The following AIG1 variants were observed in gnomAD, a reference collection of about 807,000 sequenced individuals.
The protein encoded by AIG1 is androgen-induced gene 1 protein.
A neutral mutation model predicts 31.4 loss-of-function variants in AIG1; 23 were observed. That is an observed-to-expected ratio of 0.73 (90% CI 0.53 to 1.04). AIG1 has a LOEUF of 1.04. Ranked by LOEUF, AIG1 falls within the 50% of genes least tolerant of loss-of-function variation. AIG1 has a pLI of 0.00. For missense variants in AIG1, 274 were observed against 295.0 expected (o/e 0.93, Z 0.52); for synonymous variants, 100 against 110.5 (o/e 0.90, Z 0.60).
At chr6:143,108,541 C>T (rs1002994255) in intron 1 of AIG1, among the ~76,000 whole-genome samples, 1 of 152,188 alleles carries the variant, frequency 6.6e-6, no homozygotes, top group Non-Finnish European at 1.5e-5. Context: ...CACTTAACAA[C>T]TTCAGCTGGG....
chr6:143,295,965 C>T (rs1465564816), intron 4 of AIG1, among the ~76,000 whole-genome samples: 1 of 152,086 alleles, frequency 6.6e-6, no homozygotes, highest in African/African-American at 2.4e-5. Flanking sequence ...TAAAATGCCA[C>T]AGAAAATATT....
intron 1 of AIG1, among the ~76,000 whole-genome samples, chr6:143,118,874 T>C (rs903290357): frequency 1.3e-5 from 2 of 151,946 alleles, no homozygotes; most frequent in Non-Finnish European, 2.9e-5. Context: ...TTTTCTTTTT[T>C]TTTTTTTTTG....
intron 4 of AIG1, among the ~76,000 whole-genome samples, chr6:143,287,751 A>C (rs868519837): frequency 2.6e-4 from 39 of 151,320 alleles, no homozygotes; most frequent in Middle Eastern, 3.4e-3. Context: ...AAAAAAAAAA[A>C]AAAAAAAAAA....
At chr6:143,078,052 TTC>T (rs1777892211) in intron 1 of AIG1, among the ~76,000 whole-genome samples, 1 of 152,230 alleles carries the variant, frequency 6.6e-6, no homozygotes, top group Admixed American at 6.5e-5. Flanking sequence ...GTTCATTTTT[TTC>T]TGTCTCTCTT....
chr6:143,134,079 G>C (rs1342332958), intron 1 of AIG1, among the ~76,000 whole-genome samples: 1 of 151,872 alleles, frequency 6.6e-6, no homozygotes, highest in Non-Finnish European at 1.5e-5. Context: ...TATTTCAAAA[G>C]AATAAAAACC....
At position 143,177,725 on chromosome 6, in the gene AIG1, G is replaced by A. The variant is rs369299774; in HGVS notation, c.399+12542G>A. ...TATGGCAGGTCTACCACTGGAGTGG[G>A]CAGGTTCTCTGACAACAGTGGGCCT... On this transcript the variant is annotated intron_variant, in intron 3 of 5. Coordinates refer to ENST00000357847, the MANE Select transcript of AIG1 (RefSeq NM_016108.4). Among the ~76,000 whole-genome samples the A allele has an allele frequency of 5.9e-5, 9 of 152,316 alleles. No individual in the cohort carries two copies. In the East Asian group the frequency reaches 1.5e-3, roughly 26 times the overall value.
chr6:143,241,187 C>T (rs917327929), intron 3 of AIG1, among the ~76,000 whole-genome samples: 7 of 152,258 alleles, frequency 4.6e-5, no homozygotes, highest in Non-Finnish European at 1.0e-4. Context: ...TCACTTTTAA[C>T]AAAGGCTCAA....
At chr6:143,151,444 A>G (rs989745247) in intron 2 of AIG1, among the ~76,000 whole-genome samples, 1 of 152,248 alleles carries the variant, frequency 6.6e-6, no homozygotes, top group African/African-American at 2.4e-5. Flanking sequence ...AATTATGTGT[A>G]TAACTTGCTA....
chr6:143,342,408 A>G, downstream of AIG1: 2 of 729,894 alleles, frequency 2.7e-6, no homozygotes, highest in South Asian at 2.9e-5. Context: ...GTGGTTCAGA[A>G]AAGAACCCAG....
chr6:143,108,833 A>T (rs1300494872), intron 1 of AIG1, among the ~76,000 whole-genome samples: 1 of 152,110 alleles, frequency 6.6e-6, no homozygotes, highest in African/African-American at 2.4e-5. Context: ...TTATTTGTAT[A>T]TTTTTATTTT....
At chr6:143,059,688 C>T (rs1051588774), upstream of AIG1, among the ~76,000 whole-genome samples, 2 of 152,172 alleles carry the variant, frequency 1.3e-5, no homozygotes, top group African/African-American at 2.4e-5. Flanking sequence ...CCATGGCTTG[C>T]TTGCTACTTT....
chr6:143,207,673 G>A (rs1791230908), intron 3 of AIG1, among the ~76,000 whole-genome samples: 1 of 152,086 alleles, frequency 6.6e-6, no homozygotes, highest in African/African-American at 2.4e-5. Flanking sequence ...CACATTCTTG[G>A]TCATAGAAGG....
chr6:143,060,675 C>T (rs906307134), upstream of AIG1: 3 of 451,062 alleles, frequency 6.7e-6, no homozygotes, highest in Admixed American at 4.9e-5. Context: ...GATGACGACA[C>T]GCCGCCTGCC....
At chr6:143,236,856 CA>C (rs1368660081) in intron 3 of AIG1, among the ~76,000 whole-genome samples, 2 of 151,918 alleles carry the variant, frequency 1.3e-5, no homozygotes, top group East Asian at 3.9e-4. Flanking sequence ...TTTTTTTCAC[CA>C]AAAAAATAGA....
chr6:143,290,745 T>C (rs1798006770), intron 4 of AIG1, among the ~76,000 whole-genome samples: 1 of 152,112 alleles, frequency 6.6e-6, no homozygotes, highest in Non-Finnish European at 1.5e-5. Context: ...CCTGACATTC[T>C]TGTTTGTTGG....
rs150530954 is a variant in AIG1, at chr6:143,266,327, A to G, written c.400-17783A>G. On this transcript the variant is annotated intron_variant, in intron 3 of 5. Transcript: ENST00000357847. ...GTGCCATTGCACTCTGGCCTGGACA[A>G]TAGAGTAAGAGTCCGTCTCAAAAAA... Among the ~76,000 whole-genome samples, 607 of 145,704 alleles carry G rather than the reference A, an allele frequency of 4.2e-3. 2 individuals are homozygous for G. Among genetic ancestry groups the G allele is most frequent in the Non-Finnish European group, 7.1e-3 (478 of 67,336 alleles).
intron 1 of AIG1, among the ~76,000 whole-genome samples, chr6:143,067,906 T>G (rs1345128538): frequency 6.6e-6 from 1 of 152,208 alleles, no homozygotes; most frequent in Non-Finnish European, 1.5e-5. Flanking sequence ...AATATGCATA[T>G]AAACTTGAAG....
intron 3 of AIG1, among the ~76,000 whole-genome samples, chr6:143,283,070 A>G (rs1353221993): frequency 6.6e-6 from 1 of 152,210 alleles, no homozygotes; most frequent in Non-Finnish European, 1.5e-5. Context: ...CAGTATTGGA[A>G]GGTAAATATA....
chr6:143,122,897 T>G (rs1354705197), intron 1 of AIG1, among the ~76,000 whole-genome samples: 2 of 152,154 alleles, frequency 1.3e-5, no homozygotes, highest in African/African-American at 2.4e-5. Flanking sequence ...TGACTCCATG[T>G]TTTTCTTTAA....
Sources: gnomAD v4.1 joint callset for allele counts (sites outside exome capture counted in the v4.1 genomes callset) on GRCh38, gnomAD v4.1.1 for gene constraint, MANE v1.5 for transcripts, NCBI Gene and HGNC (gene_info 2026-07-23, HGNC 2026-07-21) for gene names.